The following TRIM2 variants were observed in gnomAD, a reference collection of about 807,000 sequenced individuals.
TRIM2 encodes tripartite motif-containing protein 2.
TRIM2 carries 20 observed loss-of-function variants against 75.2 expected under a neutral mutation model. That is an observed-to-expected ratio of 0.27 (90% CI 0.19 to 0.39). The LOEUF (loss-of-function observed/expected upper bound fraction) is 0.39. Among genes scored for constraint, TRIM2 ranks in the 10% least tolerant of loss-of-function variants. The pLI, the probability that TRIM2 is intolerant of heterozygous loss-of-function variation, is 1.00. For synonymous variants in TRIM2, 373 were observed against 388.3 expected (o/e 0.96, Z 0.46); for missense variants, 660 against 990.8 (o/e 0.67, Z 4.48).
chr4:153,179,619 T>G (rs1391888135), intron 1 of TRIM2, among the ~76,000 whole-genome samples: 1 of 152,174 alleles, frequency 6.6e-6, no homozygotes, highest in Non-Finnish European at 1.5e-5. Context: ...TTCTGGGTAT[T>G]TCACAGAACA....
intron 1 of TRIM2, among the ~76,000 whole-genome samples, chr4:153,260,385 G>A (rs1268534186): frequency 3.3e-5 from 5 of 152,136 alleles, no homozygotes; most frequent in East Asian, 1.9e-4. Context: ...CCACACAGAC[G>A]CAGCCTAATC....
chr4:153,280,911 C>T (rs967139978), intron 3 of TRIM2, among the ~76,000 whole-genome samples: 1 of 151,926 alleles, frequency 6.6e-6, no homozygotes, highest in Non-Finnish European at 1.5e-5. Flanking sequence ...GTCTCGATCT[C>T]CTGACCTCGT....
intron 1 of TRIM2, among the ~76,000 whole-genome samples, chr4:153,263,561 A>G (rs1222785216): frequency 6.6e-6 from 1 of 152,256 alleles, no homozygotes; most frequent in East Asian, 1.9e-4. Flanking sequence ...GAACTACTGC[A>G]GTGAATAATC....
chr4:153,229,773 A>G (rs889446735), intron 1 of TRIM2, among the ~76,000 whole-genome samples: 2 of 152,212 alleles, frequency 1.3e-5, no homozygotes, highest in African/African-American at 4.8e-5. Flanking sequence ...AGTACAAAAT[A>G]TTCTTGGCAT....
At chr4:153,205,708 C>A (rs1735226680) in intron 1 of TRIM2, among the ~76,000 whole-genome samples, 1 of 152,174 alleles carries the variant, frequency 6.6e-6, no homozygotes, top group Admixed American at 6.5e-5. Context: ...TTGAAAGTCT[C>A]CCCACCTCTC....
intron 1 of TRIM2, among the ~76,000 whole-genome samples, chr4:153,253,384 C>T (rs1463176038): frequency 6.6e-6 from 1 of 152,178 alleles, no homozygotes; most frequent in African/African-American, 2.4e-5. Context: ...TAGTTACCCA[C>T]CCCCACACAC....
rs772222779 is a variant in TRIM2, at chr4:153,276,056, G to A, written c.379G>A (p.Glu127Lys). Residue 127 changes from glutamate (E) to lysine (K), a missense_variant, in exon 3 of 12, where the codon GAG (glutamate) becomes AAG (lysine). By Grantham distance (56) the Glu-to-Lys change is moderately conservative. This residue lies in a region of TRIM2 where 620 missense variants were observed against 891.0 expected (regional missense o/e 0.70). Coordinates refer to ENST00000338700, the MANE Select transcript of TRIM2 (RefSeq NM_015271.5). Reference protein sequence around the residue: ...LQRTPGSNAEESSILETVTAV... With the variant: ...LQRTPGSNAEKSSILETVTAV... Reference sequence around the variant, plus strand: ...GCGAACTCCAGGCAGCAACGCTGAGGAGTCTTCCATCCTGGAGACAGTCAC... The same window carrying A: ...GCGAACTCCAGGCAGCAACGCTGAGAAGTCTTCCATCCTGGAGACAGTCAC... 6.2e-7 allele frequency: 1 copy of A among 1,614,206 alleles called. No individual in the cohort carries two copies. The highest frequency in any genetic ancestry group is 8.5e-7 in the Non-Finnish European group (1 of 1,180,038).
chr4:153,288,254 T>A (rs951750565), intron 3 of TRIM2, among the ~76,000 whole-genome samples: 3 of 151,932 alleles, frequency 2.0e-5, no homozygotes, highest in African/African-American at 7.3e-5. Flanking sequence ...CTGGCCAACA[T>A]GGTGAAACCT....
chr4:153,264,443 C>G (rs780689715), intron 1 of TRIM2, among the ~76,000 whole-genome samples: 2 of 152,146 alleles, frequency 1.3e-5, no homozygotes, highest in African/African-American at 2.4e-5. Flanking sequence ...TTGCAGCTCT[C>G]CAGCATATAG....
intron 1 of TRIM2, among the ~76,000 whole-genome samples, chr4:153,214,889 CT>C (rs1738061763): frequency 6.6e-6 from 1 of 152,108 alleles, no homozygotes; most frequent in African/African-American, 2.4e-5. Flanking sequence ...GTAGTAGGTT[CT>C]TTTTTCAATG....
chr4:153,216,875 A>C (rs149068846), intron 1 of TRIM2, among the ~76,000 whole-genome samples: 2 of 152,284 alleles, frequency 1.3e-5, no homozygotes, highest in Middle Eastern at 3.4e-3. Flanking sequence ...TGATCTAAAC[A>C]CTTCCTAAAG....
intron 11 of TRIM2, among the ~76,000 whole-genome samples, chr4:153,329,254 C>T (rs1236642920): frequency 6.6e-6 from 1 of 151,848 alleles, no homozygotes; most frequent in East Asian, 1.9e-4. Context: ...TGGTTTTTTA[C>T]AATCCCATGT....
intron 1 of TRIM2, chr4:153,267,003 G>C (rs1174664938): frequency 6.6e-6 from 1 of 150,930 alleles, no homozygotes; most frequent in Non-Finnish European, 1.5e-5. Flanking sequence ...ACTGCACTTG[G>C]ACCAGCCAGC....
At chr4:153,195,716 C>T (rs995607851) in intron 1 of TRIM2, among the ~76,000 whole-genome samples, 4 of 152,202 alleles carry the variant, frequency 2.6e-5, no homozygotes, top group East Asian at 1.9e-4. Flanking sequence ...ATTTTGTTTC[C>T]GCTGTTTGTT....
intron 1 of TRIM2, among the ~76,000 whole-genome samples, chr4:153,240,126 G>A (rs1239168494): frequency 1.3e-5 from 2 of 151,974 alleles, no homozygotes; most frequent in African/African-American, 2.4e-5. Context: ...AAGCCACCAC[G>A]CCTGGCCAGC....
intron 6 of TRIM2, among the ~76,000 whole-genome samples, chr4:153,305,974 A>C (rs1315361524): frequency 6.6e-6 from 1 of 152,160 alleles, no homozygotes; most frequent in East Asian, 1.9e-4. Flanking sequence ...GTCTCTACTA[A>C]AAACACAAAA....
At chr4:153,231,626 T>C (rs1472129224) in intron 1 of TRIM2, among the ~76,000 whole-genome samples, 2 of 152,174 alleles carry the variant, frequency 1.3e-5, no homozygotes, top group Non-Finnish European at 2.9e-5. Context: ...CAGTGCCTAT[T>C]GGAGAAATAC....
chr4:153,292,876 G>A lies in TRIM2; in HGVS notation c.454-106G>A, dbSNP rs532362601. The A allele has an allele frequency of 2.6e-4, 287 of 1,085,626 alleles. 2 individuals are homozygous for A. In the African/African-American group the frequency reaches 4.2e-3, roughly 16 times the overall value. The allele number at this position is 1,085,626 out of a possible 1,614,324, so 67.2% of individuals were successfully genotyped here. ...TGGACTTAATAATGCTGACATTCTG[G>A]GGTGGCTCTCATTTAATTATGAGAG... On this transcript the variant is annotated intron_variant, in intron 3 of 11. Coordinates refer to ENST00000338700, the MANE Select transcript of TRIM2 (RefSeq NM_015271.5).
intron 1 of TRIM2, among the ~76,000 whole-genome samples, chr4:153,163,349 C>T (rs1729934138): frequency 6.6e-6 from 1 of 151,990 alleles, no homozygotes. Flanking sequence ...CCATGCCTGG[C>T]TAATTTATTA....
Sources: gnomAD v4.1 joint callset for allele counts (sites outside exome capture counted in the v4.1 genomes callset) on GRCh38, gnomAD v4.1.1 for gene constraint, gnomAD v4.1.1 regional missense constraint, MANE v1.5 for transcripts, NCBI Gene and HGNC (gene_info 2026-07-23, HGNC 2026-07-21) for gene names.